Variants in TNIK observed in about 807,000 individuals in gnomAD.
TNIK encodes the protein TRAF2 and NCK interacting kinase.
In TNIK, 49 loss-of-function variants were observed where a neutral mutation model predicts 191.3. The observed-to-expected ratio is 0.26, with a 90% CI of 0.20 to 0.32. TNIK has a LOEUF of 0.32. Ranked by LOEUF, TNIK falls within the 10% of genes least tolerant of loss-of-function variation. TNIK has a pLI of 1.00. For synonymous variants in TNIK, 594 were observed against 600.9 expected, an observed-to-expected ratio of 0.99 and a Z score of 0.17; for missense variants, 1,155 against 1,702.3, an observed-to-expected ratio of 0.68 and a Z score of 5.66.
chr3:171,208,358 A>G (rs113999506), intron 4 of TNIK, among the ~76,000 whole-genome samples: 1,918 of 152,264 alleles, frequency 0.013, 39 homozygotes, highest in African/African-American at 0.044. Flanking sequence ...TAGAGAAAAA[A>G]AAAGCAGATG....
chr3:171,386,168 C>A (rs77281084), intron 1 of TNIK, among the ~76,000 whole-genome samples: 2,100 of 152,230 alleles, frequency 0.014, 52 homozygotes, highest in African/African-American at 0.048. Flanking sequence ...AGATCAACAA[C>A]AAGAAAATAT....
At chr3:171,214,951 A>T (rs2108928892) in intron 3 of TNIK, among the ~76,000 whole-genome samples, 1 of 152,310 alleles carries the variant, frequency 6.6e-6, no homozygotes, top group South Asian at 2.1e-4. Context: ...TTTGTGGTAG[A>T]CTGAAAAAGA....
chr3:171,110,600 A>T, intron 19 of TNIK, 114 bp downstream of exon 19: 1 of 1,358,026 alleles, frequency 7.4e-7, no homozygotes, highest in Non-Finnish European at 9.8e-7. Context: ...GCTCTTCAGG[A>T]TCACACAGTG....
rs1731328082 is a variant in TNIK, at chr3:171,144,905, C to CA, written c.1222-4397dup. 2.6e-5 allele frequency among the ~76,000 whole-genome samples: 4 copies of CA among 152,146 alleles called. No individual in the cohort carries two copies. The South Asian group carries it at 8.3e-4, about 32-fold the overall frequency. On this transcript the variant is annotated intron_variant, in intron 12 of 32. Coordinates refer to ENST00000436636, the MANE Select transcript of TNIK (RefSeq NM_015028.4). ...ATCTTTCACTTGATATAATGTCTTC[C>CA]AGGTTCATCTACGTTGCTGCAAACA...
At chr3:171,198,101 C>A (rs1369483940) in intron 4 of TNIK, among the ~76,000 whole-genome samples, 1 of 152,082 alleles carries the variant, frequency 6.6e-6, no homozygotes, top group African/African-American at 2.4e-5. Context: ...GAATGAAATA[C>A]TGATGCATGA....
chr3:171,246,076 A>C (rs1203107013), intron 2 of TNIK, among the ~76,000 whole-genome samples: 3 of 152,150 alleles, frequency 2.0e-5, no homozygotes, highest in African/African-American at 7.2e-5. Context: ...TGTGTGAGTG[A>C]GGGAGGAAGA....
intron 1 of TNIK, among the ~76,000 whole-genome samples, chr3:171,446,498 A>C (rs888836696): frequency 1.3e-5 from 2 of 152,234 alleles, no homozygotes; most frequent in Non-Finnish European, 2.9e-5. Context: ...GTAAATCAAG[A>C]AAATTGCCCT....
At chr3:171,154,736 C>T (rs998199266) in intron 12 of TNIK, among the ~76,000 whole-genome samples, 2 of 152,184 alleles carry the variant, frequency 1.3e-5, no homozygotes, top group African/African-American at 2.4e-5. Context: ...AAGAGGTCCT[C>T]CTTGTACTTT....
chr3:171,157,435 A>T (rs1039702307), intron 12 of TNIK, 25 bp downstream of exon 12: 1 of 1,551,134 alleles, frequency 6.4e-7, no homozygotes, highest in Admixed American at 2.0e-5. Context: ...GCTTGGGGTC[A>T]GAGGTGGCCC....
In TNIK at chr3:171,405,508, T is replaced by TAA. The variant is rs10635709; in HGVS notation, c.58-35825_58-35824dup. Among the ~76,000 whole-genome samples the TAA allele has an allele frequency of 5.0e-4, 72 of 144,404 alleles. 1 individual carries two copies. Among genetic ancestry groups the TAA allele is most frequent in the African/African-American group, 1.5e-3 (60 of 39,182 alleles). 94.7% of individuals were successfully genotyped at this position (144,404 alleles called of 152,430 possible). ...GACAACTCTCAATCACCAAATCTGG[T>TAA]AAAAAAAAAAAAATCACAACAAAAA... On this transcript the variant is annotated intron_variant, in intron 1 of 32. Coordinates refer to ENST00000436636, the MANE Select transcript of TNIK (RefSeq NM_015028.4).
At chr3:171,186,683 A>T (rs551800895) in intron 7 of TNIK, among the ~76,000 whole-genome samples, 1 of 151,942 alleles carries the variant, frequency 6.6e-6, no homozygotes, top group African/African-American at 2.4e-5. Context: ...TTTATTTTTT[A>T]AAAAAACACA....
At chr3:171,111,865 T>C (rs1300783481) in intron 18 of TNIK, among the ~76,000 whole-genome samples, 1 of 152,142 alleles carries the variant, frequency 6.6e-6, no homozygotes, top group African/African-American at 2.4e-5. Context: ...AATCTACAAA[T>C]ACCGAACTCA....
At chr3:171,339,128 ACTCATTGGCACTAAGTTAC>A (rs1201462091) in intron 2 of TNIK, among the ~76,000 whole-genome samples, 1 of 152,072 alleles carries the variant, frequency 6.6e-6, no homozygotes, top group East Asian at 1.9e-4. Flanking sequence ...TCTCCATTTC[ACTCATTGGCACTAAGTTAC>A]CTCCCATCTC....
chr3:171,322,637 C>T (rs1045167910), intron 2 of TNIK, among the ~76,000 whole-genome samples: 3 of 152,042 alleles, frequency 2.0e-5, no homozygotes, highest in African/African-American at 4.8e-5. Flanking sequence ...CTACCATATA[C>T]GCACATATGC....
At position 171,422,865 on chromosome 3, in the gene TNIK, T is replaced by C. The variant is rs543545761; in HGVS notation, c.57+37142A>G. 7.2e-5 allele frequency among the ~76,000 whole-genome samples: 11 copies of C among 152,346 alleles called. No individual in the cohort carries two copies. The South Asian group carries it at 2.3e-3, about 32-fold the overall frequency. On this transcript the variant is annotated intron_variant, in intron 1 of 32. Coordinates refer to ENST00000436636, the MANE Select transcript of TNIK (RefSeq NM_015028.4). ...AATGGATATCTTCAGAACCCTGGGA[T>C]CTTCATCTGCACAAATGAAAAAGCT...
chr3:171,309,689 C>A (rs967962663), intron 2 of TNIK, among the ~76,000 whole-genome samples: 1 of 152,098 alleles, frequency 6.6e-6, no homozygotes, highest in South Asian at 2.1e-4. Flanking sequence ...TAAAGGGTTT[C>A]TGAGACTAAT....
intron 2 of TNIK, among the ~76,000 whole-genome samples, chr3:171,276,057 C>T (rs1749703951): frequency 6.6e-6 from 1 of 152,142 alleles, no homozygotes; most frequent in East Asian, 1.9e-4. Context: ...GTTACTCTTC[C>T]CCTCCACTCC....
chr3:171,087,215 T>C (rs1462503727), intron 24 of TNIK, 127 bp downstream of exon 24: 7 of 1,345,732 alleles, frequency 5.2e-6, no homozygotes, highest in Non-Finnish European at 7.1e-6. Flanking sequence ...CATAAGTAGC[T>C]CTATGGTAGA....
At chr3:171,228,889 CTT>C (rs1278437758) in intron 2 of TNIK, among the ~76,000 whole-genome samples, 1 of 152,208 alleles carries the variant, frequency 6.6e-6, no homozygotes, top group Non-Finnish European at 1.5e-5. Context: ...ATTATTTTCT[CTT>C]TGTTTGCTCC....
Sources: gnomAD v4.1 joint callset for allele counts (sites outside exome capture counted in the v4.1 genomes callset) on GRCh38, gnomAD v4.1.1 for gene constraint, MANE v1.5 for transcripts, NCBI Gene and HGNC (gene_info 2026-07-23, HGNC 2026-07-21) for gene names.